GRM7: variants seen among roughly 807,000 people sequenced by gnomAD.
The protein encoded by GRM7 is glutamate metabotropic receptor 7.
Under a neutral mutation model 84.5 loss-of-function variants are expected in GRM7, and 35 were observed. The ratio of observed to expected loss-of-function variants is 0.41; its 90% CI spans 0.32 to 0.55. The LOEUF is 0.55. Among genes scored for constraint, GRM7 ranks in the 20% least tolerant of loss-of-function variants. The pLI, the probability that GRM7 is intolerant of heterozygous loss-of-function variation, is 0.19. For missense variants in GRM7, 1,003 were observed against 1,194.6 expected (o/e 0.84, Z 2.36); for synonymous variants, 487 against 455.1 (o/e 1.07, Z -0.89).
Position 7,667,404 on chromosome 3 carries a change from A to G in GRM7, c.2452-12645A>G, listed in dbSNP as rs115787042. ...CATCCCTATAGACATTTCTGAGTAC[A>G]CTATGTAGGAGACTTCGGTATTTTA... On this transcript the variant is annotated intron_variant, in intron 8 of 9. Transcript: ENST00000357716. Among the ~76,000 whole-genome samples the G allele has an allele frequency of 2.2e-3, 340 of 152,276 alleles. 2 individuals carry two copies. Among genetic ancestry groups the G allele is most frequent in the African/African-American group, 7.5e-3 (313 of 41,550 alleles).
At chr3:7,205,445 A>G (rs1696203389) in intron 2 of GRM7, among the ~76,000 whole-genome samples, 1 of 152,206 alleles carries the variant, frequency 6.6e-6, no homozygotes, top group Non-Finnish European at 1.5e-5. Flanking sequence ...TCTGCCTTCA[A>G]GGGCTGGCCT....
At chr3:7,409,440 G>A (rs1695819402) in intron 4 of GRM7, among the ~76,000 whole-genome samples, 1 of 151,082 alleles carries the variant, frequency 6.6e-6, no homozygotes, top group Non-Finnish European at 1.5e-5. Context: ...TTTTTTTGGG[G>A]GGTGGGGGGT....
At chr3:7,732,991 C>T (rs1702381638) in intron 9 of GRM7, among the ~76,000 whole-genome samples, 3 of 152,180 alleles carry the variant, frequency 2.0e-5, no homozygotes, top group Non-Finnish European at 4.4e-5. Flanking sequence ...ATAGAGTAAC[C>T]TCCTGATGTG....
intron 4 of GRM7, among the ~76,000 whole-genome samples, chr3:7,400,436 G>A (rs1023099274): frequency 6.6e-6 from 1 of 151,984 alleles, no homozygotes; most frequent in Non-Finnish European, 1.5e-5. Flanking sequence ...CTCTTTATAC[G>A]GCAGACCCTC....
intron 2 of GRM7, among the ~76,000 whole-genome samples, chr3:7,223,583 G>T (rs1300532215): frequency 6.6e-6 from 1 of 151,400 alleles, no homozygotes; most frequent in Non-Finnish European, 1.5e-5. Flanking sequence ...CTTTTTTATA[G>T]AAATGTTTTA....
intron 2 of GRM7, among the ~76,000 whole-genome samples, chr3:7,295,085 C>G (rs1376023596): frequency 1.3e-5 from 2 of 152,108 alleles, no homozygotes; most frequent in African/African-American, 2.4e-5. Context: ...ATTGCCAAAC[C>G]CAAGGTCATA....
chr3:7,216,359 T>G (rs909313558), intron 2 of GRM7, among the ~76,000 whole-genome samples: 2 of 152,340 alleles, frequency 1.3e-5, no homozygotes, highest in African/African-American at 4.8e-5. Context: ...GGCAAGTATA[T>G]GTACCTATAT....
chr3:6,878,619 A>G (rs235445), intron 1 of GRM7, among the ~76,000 whole-genome samples: 68,512 of 151,764 alleles, frequency 0.45, 15,782 homozygotes, highest in South Asian at 0.52. Context: ...AAATGGACCA[A>G]TACATCACGC....
At chr3:7,093,689 AAAAAAAAAAAAAAAAAAAAAAAAAAG>A (rs1443501343) in intron 1 of GRM7, among the ~76,000 whole-genome samples, 2 of 102,874 alleles carry the variant, frequency 1.9e-5, no homozygotes, top group Admixed American at 9.0e-5. Context: ...AAAAAAAAAA[AAAAAAAAAAAAAAAAAAAAAAAAAAG>A]GTAGTTAGTG....
At chr3:7,160,254 T>C (rs1694582782) in intron 2 of GRM7, among the ~76,000 whole-genome samples, 1 of 152,130 alleles carries the variant, frequency 6.6e-6, no homozygotes, top group Admixed American at 6.6e-5. Context: ...ACAGCCAGGC[T>C]ATGTAGCCTG....
chr3:7,131,356 G>T (rs544171978), intron 1 of GRM7, among the ~76,000 whole-genome samples: 14 of 152,306 alleles, frequency 9.2e-5, no homozygotes, highest in Admixed American at 5.2e-4. Context: ...TATCCTCATG[G>T]AAGGGCCCCT....
At chr3:7,384,066 T>G (rs1345838080) in intron 4 of GRM7, among the ~76,000 whole-genome samples, 2 of 152,196 alleles carry the variant, frequency 1.3e-5, no homozygotes, top group Non-Finnish European at 2.9e-5. Context: ...TCCCACTCTC[T>G]TGGCCAGGCT....
chr3:7,644,392 A>G (rs541245420), intron 8 of GRM7, among the ~76,000 whole-genome samples: 1 of 151,186 alleles, frequency 6.6e-6, no homozygotes, highest in Non-Finnish European at 1.5e-5. Context: ...TAATTTGCAG[A>G]AATAGTTAGT....
chr3:7,123,264 G>C (rs979840402), intron 1 of GRM7, among the ~76,000 whole-genome samples: 5 of 152,206 alleles, frequency 3.3e-5, no homozygotes, highest in Admixed American at 2.6e-4. Context: ...GGGGAGGTCA[G>C]AGTACCAGAA....
At chr3:7,553,083 C>G (rs550043437) in intron 7 of GRM7, among the ~76,000 whole-genome samples, 1 of 152,296 alleles carries the variant, frequency 6.6e-6, no homozygotes, top group East Asian at 1.9e-4. Context: ...GTCTTGAATG[C>G]TTTGCTGCTT....
intron 4 of GRM7, among the ~76,000 whole-genome samples, chr3:7,389,871 T>C (rs1489553146): frequency 6.6e-6 from 1 of 152,112 alleles, no homozygotes; most frequent in Non-Finnish European, 1.5e-5. Flanking sequence ...TATGTGAGGC[T>C]TTGTTCTTGT....
intron 1 of GRM7, among the ~76,000 whole-genome samples, chr3:6,874,301 C>T (rs1215444970): frequency 6.6e-6 from 1 of 152,160 alleles, no homozygotes; most frequent in Non-Finnish European, 1.5e-5. Flanking sequence ...TTAAATTGCA[C>T]ATGATCTTTG....
At chr3:6,922,005 T>G (rs1419446132) in intron 1 of GRM7, among the ~76,000 whole-genome samples, 1 of 152,184 alleles carries the variant, frequency 6.6e-6, no homozygotes, top group African/African-American at 2.4e-5. Context: ...AGATCACAAT[T>G]CTTCTTCCAG....
chr3:7,536,265 C>A (rs1021124987), intron 7 of GRM7, among the ~76,000 whole-genome samples: 1 of 152,086 alleles, frequency 6.6e-6, no homozygotes, highest in South Asian at 2.1e-4. Flanking sequence ...AGATAATGAA[C>A]AACAGAAGAA....
Sources: allele counts gnomAD v4.1 joint callset (sites outside exome capture counted in the v4.1 genomes callset), GRCh38; gene constraint gnomAD v4.1.1; transcripts MANE v1.5; gene names NCBI Gene and HGNC (gene_info 2026-07-23, HGNC 2026-07-21).